The following EYA1 variants were observed in gnomAD, a reference collection of about 807,000 sequenced individuals.
EYA1 encodes the protein EYA transcriptional coactivator and phosphatase 1, also known as protein phosphatase EYA1.
In EYA1, 16 loss-of-function variants were observed where a neutral mutation model predicts 82.0. The ratio of observed to expected loss-of-function variants is 0.20; its 90% CI spans 0.13 to 0.30. The LOEUF (loss-of-function observed/expected upper bound fraction) is 0.30. Ranked by LOEUF, EYA1 falls within the 10% of genes least tolerant of loss-of-function variation. The pLI is 1.00. For synonymous variants in EYA1, 261 were observed against 264.4 expected (o/e 0.99, Z 0.12); for missense variants, 633 against 730.7 (o/e 0.87, Z 1.54).
intron 2 of EYA1, among the ~76,000 whole-genome samples, chr8:71,440,202 G>A (rs991706671): frequency 8.5e-5 from 13 of 152,140 alleles, no homozygotes; most frequent in African/African-American, 3.1e-4. Context: ...AGATTTGGAC[G>A]CAGAAGCCAA....
rs1387135744 is a variant in EYA1 at position 71,216,675 on chromosome 8, T to C, written c.1360+17A>G. 6.2e-7 allele frequency: 1 copy of C among 1,613,614 alleles called. No individual in the cohort carries two copies. Among genetic ancestry groups the C allele is most frequent in the Admixed American group, 1.7e-5 (1 of 60,004 alleles). On this transcript the variant is annotated intron_variant, in intron 14 of 17. Transcript: ENST00000340726. Reference sequence around the variant, plus strand: ...GGACTGTCTTAACTTGCTGAGGTACTGGTGGTAATCACTTGCCTCCAACAT... The same window carrying C: ...GGACTGTCTTAACTTGCTGAGGTACCGGTGGTAATCACTTGCCTCCAACAT...
intron 3 of EYA1, among the ~76,000 whole-genome samples, chr8:71,340,579 C>T (rs541333674): frequency 6.6e-6 from 1 of 152,206 alleles, no homozygotes; most frequent in East Asian, 1.9e-4. Context: ...AACTAAAATC[C>T]CACCTGTTTC....
chr8:71,271,968 A>G (rs1816597611), intron 9 of EYA1, 71 bp from the exon 10 acceptor site: 2 of 1,538,450 alleles, frequency 1.3e-6, no homozygotes, highest in Non-Finnish European at 1.8e-6. Flanking sequence ...CCTTGTTTTA[A>G]TTCACAAGGG....
chr8:71,393,870 C>G (rs1407454367), intron 2 of EYA1, among the ~76,000 whole-genome samples: 1 of 152,220 alleles, frequency 6.6e-6, no homozygotes, highest in East Asian at 1.9e-4. Context: ...AATCATCACA[C>G]TGTCTTCCAC....
chr8:71,472,790 T>G (rs62507407), intron 2 of EYA1, among the ~76,000 whole-genome samples: 9,189 of 96,438 alleles, frequency 0.095, 937 homozygotes, highest in African/African-American at 0.28. Flanking sequence ...GCTTTGAAGA[T>G]ATATATATAT....
intron 2 of EYA1, among the ~76,000 whole-genome samples, chr8:71,448,437 A>AT (rs1393117083): frequency 6.6e-6 from 1 of 152,160 alleles, no homozygotes. Context: ...ATCCACTCTA[A>AT]TTCTATTTCT....
chr8:71,350,214 A>T (rs1457916172), intron 3 of EYA1, among the ~76,000 whole-genome samples: 1 of 152,234 alleles, frequency 6.6e-6, no homozygotes, highest in Non-Finnish European at 1.5e-5. Flanking sequence ...TATAAAATAC[A>T]GCCTCAAACC....
intron 9 of EYA1, among the ~76,000 whole-genome samples, chr8:71,287,713 G>A (rs1563402283): frequency 6.6e-6 from 1 of 152,158 alleles, no homozygotes; most frequent in Admixed American, 6.5e-5. Flanking sequence ...ACTTCAAGAG[G>A]GAAGAACACA....
chr8:71,398,095 T>C (rs1045537512), intron 2 of EYA1, among the ~76,000 whole-genome samples: 4 of 152,210 alleles, frequency 2.6e-5, no homozygotes, highest in Non-Finnish European at 4.4e-5. Flanking sequence ...TACTTATGCT[T>C]GTGCATGTGT....
At chr8:71,335,079 C>T (rs1163759073) in intron 3 of EYA1, among the ~76,000 whole-genome samples, 1 of 152,130 alleles carries the variant, frequency 6.6e-6, no homozygotes, top group Non-Finnish European at 1.5e-5. Context: ...TGGTGAAGTG[C>T]CATCATCAGA....
intron 2 of EYA1, among the ~76,000 whole-genome samples, chr8:71,397,431 TG>T (rs1230619107): frequency 4.6e-5 from 7 of 152,224 alleles, no homozygotes; most frequent in African/African-American, 1.7e-4. Context: ...TGGTACTAGT[TG>T]TTCCTTTCCA....
intron 2 of EYA1, among the ~76,000 whole-genome samples, chr8:71,526,400 T>C (rs1180005826): frequency 6.6e-6 from 1 of 152,206 alleles, no homozygotes; most frequent in Admixed American, 6.5e-5. Flanking sequence ...ATAGGATCCC[T>C]GTATTAGTGA....
intron 3 of EYA1, among the ~76,000 whole-genome samples, chr8:71,335,269 A>C (rs1824353686): frequency 6.6e-6 from 1 of 152,174 alleles, no homozygotes; most frequent in Non-Finnish European, 1.5e-5. Flanking sequence ...GAAGCGGGAA[A>C]AGATGATGGA....
intron 11 of EYA1, among the ~76,000 whole-genome samples, chr8:71,248,341 T>C (rs1419475436): frequency 6.6e-6 from 1 of 152,216 alleles, no homozygotes; most frequent in Non-Finnish European, 1.5e-5. Context: ...TTTTCAGACA[T>C]CTTTGAACCA....
rs1809062554 is a variant in EYA1 at position 71,215,447 on chromosome 8, G to A, written c.1537C>T (p.Leu513=). The change falls in exon 16 of 18, where the codon CTG becomes TTG. Residue 513 remains leucine, a synonymous_variant. Transcript: ENST00000340726. The part of the protein sequence containing the change: ...TQLIPALAKV[L]LYGLGIVFPI... ...AATACAATTCCTAACCCATACAGCA[G>A]GACTTTCGCCAATGCTGGGATGAGC... 3 of 1,612,560 alleles carry A rather than the reference G, an allele frequency of 1.9e-6. No homozygotes were observed. The highest frequency in any genetic ancestry group is 1.7e-6 in the Non-Finnish European group (2 of 1,178,606).
At chr8:71,397,033 C>T (rs1277740696) in intron 2 of EYA1, among the ~76,000 whole-genome samples, 2 of 152,188 alleles carry the variant, frequency 1.3e-5, no homozygotes, top group African/African-American at 2.4e-5. Context: ...ATCCCTTTAC[C>T]ATTAAACAAT....
intron 2 of EYA1, among the ~76,000 whole-genome samples, chr8:71,506,142 T>A (rs574588411): frequency 8.5e-5 from 13 of 152,240 alleles, no homozygotes; most frequent in Non-Finnish European, 1.0e-4. Flanking sequence ...TATAGCAATA[T>A]AAAAATGGAC....
At chr8:71,384,731 C>A (rs1203122987) in intron 2 of EYA1, among the ~76,000 whole-genome samples, 3 of 152,282 alleles carry the variant, frequency 2.0e-5, no homozygotes, top group Admixed American at 6.5e-5. Context: ...TTAGACAAGA[C>A]TTTTGTGTCT....
chr8:71,438,753 T>A (rs1806186330), intron 2 of EYA1, among the ~76,000 whole-genome samples: 1 of 152,124 alleles, frequency 6.6e-6, no homozygotes, highest in South Asian at 2.1e-4. Flanking sequence ...AGACAGGCAA[T>A]GCCACAGTGA....
Sources: allele counts gnomAD v4.1 joint callset (sites outside exome capture counted in the v4.1 genomes callset), GRCh38; gene constraint gnomAD v4.1.1; transcripts MANE v1.5; gene names NCBI Gene and HGNC (gene_info 2026-07-23, HGNC 2026-07-21).